ACSBG1: variants seen among roughly 807,000 people sequenced by gnomAD.
ACSBG1 encodes long-chain-fatty-acid--CoA ligase ACSBG1.
ACSBG1 carries 39 observed loss-of-function variants against 80.2 expected under a neutral mutation model. That is an observed-to-expected ratio of 0.49 (90% CI 0.38 to 0.64). ACSBG1 has a LOEUF of 0.64. ACSBG1 is among the 30% of genes least tolerant of loss of function. The probability of loss-of-function intolerance (pLI) is 0.00; values close to 1 mark genes in which losing one functional copy is unlikely to be tolerated. For missense variants in ACSBG1, 828 were observed against 966.4 expected (o/e 0.86, Z 1.90); for synonymous variants, 392 against 379.5 (o/e 1.03, Z -0.38).
chr15:78,173,966 T>G, intron 12 of ACSBG1, 127 bp from the exon 13 acceptor site: 2 of 1,173,960 alleles, frequency 1.7e-6, no homozygotes, highest in Non-Finnish European at 2.3e-6. Context: ...AAGAGACGGT[T>G]CTAGAATGAG....
rs2074900767 is a variant in ACSBG1, at chr15:78,178,038, G to T, written c.1702+576C>A. 6.6e-6 allele frequency among the ~76,000 whole-genome samples: 1 copy of T among 152,114 alleles called. No individual in the cohort carries two copies. The highest frequency in any genetic ancestry group is 1.5e-5 in the Non-Finnish European group (1 of 68,030). The stretch of plus-strand genomic sequence containing the variant: ...TGGAAAGACTTGCCTTGTTTCTCTA[G>T]GGGTCTGATTTCCAGCTCTGCCATT... On this transcript the variant is annotated intron_variant, in intron 11 of 13. Transcript: ENST00000258873. This position sits in a 1 kb window ranked among gnomAD's most constrained non-coding sequence, Gnocchi z 4.3.
At chr15:78,232,687 C>CT (rs1270103449) in intron 1 of ACSBG1, among the ~76,000 whole-genome samples, 2,407 of 144,304 alleles carry the variant, frequency 0.017, 68 homozygotes, top group Admixed American at 0.081. Flanking sequence ...TCTTTTTCTT[C>CT]TTTTTTTTTT....
In ACSBG1 at chr15:78,192,409, C is replaced by T. The variant is rs550604469; in HGVS notation, c.663+1097G>A. Among the ~76,000 whole-genome samples, 46 of 152,200 alleles carry T rather than the reference C, an allele frequency of 3.0e-4. 1 individual carries two copies. Among genetic ancestry groups the T allele is most frequent in the Admixed American group, 1.2e-3 (19 of 15,280 alleles). On this transcript the variant is annotated intron_variant, in intron 5 of 13. Coordinates refer to ENST00000258873, the MANE Select transcript of ACSBG1 (RefSeq NM_015162.5). ...ACCCTGCTCAGAGGCCTTTGTACGT[C>T]TATCCAGGCAGCTCTGAGGTCTTCC...
In ACSBG1 at chr15:78,182,511, G is replaced by A. The variant is rs137950003; in HGVS notation, c.849C>T (p.Ser283=). ...PNQCCVLVYT[S]GTTGNPKGVM... ...CGCCCTTGGGGTTCCCAGTGGTGCCGGAAGTGTAGACTAGCACACAGCACT... is the reference window on the plus strand; with the variant it reads ...CGCCCTTGGGGTTCCCAGTGGTGCCAGAAGTGTAGACTAGCACACAGCACT... Residue 283 remains serine, a synonymous_variant, in exon 7 of 14, where the codon TCC becomes TCT. Coordinates refer to ENST00000258873, the MANE Select transcript of ACSBG1 (RefSeq NM_015162.5). The A allele has an allele frequency of 1.9e-4, 308 of 1,614,184 alleles. No homozygotes were observed. In the African/African-American group the frequency reaches 3.3e-3, roughly 17 times the overall value.
intron 1 of ACSBG1, among the ~76,000 whole-genome samples, chr15:78,222,519 C>T (rs1416602771): frequency 1.3e-5 from 2 of 152,010 alleles, no homozygotes. Flanking sequence ...AAAAATTAGC[C>T]AGACATGGTG....
At chr15:78,230,288 G>T (rs1317873270) in intron 1 of ACSBG1, among the ~76,000 whole-genome samples, 1 of 152,208 alleles carries the variant, frequency 6.6e-6, no homozygotes, top group East Asian at 1.9e-4. Context: ...CCGGACACCT[G>T]CCCCAGTCAC....
intron 2 of ACSBG1, 153 bp downstream of exon 2, chr15:78,207,849 G>A: frequency 3.1e-6 from 2 of 644,060 alleles, no homozygotes; most frequent in Non-Finnish European, 5.6e-6. Flanking sequence ...AAGGGGCTTG[G>A]TGGGGTCCCT....
At chr15:78,221,457 A>G (rs373261334) in intron 1 of ACSBG1, among the ~76,000 whole-genome samples, 36 of 152,328 alleles carry the variant, frequency 2.4e-4, no homozygotes, top group African/African-American at 8.2e-4. Context: ...TTCTGCCAGC[A>G]CATCTCACCT....
intron 1 of ACSBG1, among the ~76,000 whole-genome samples, chr15:78,234,124 A>G (rs938861864): frequency 3.9e-5 from 6 of 152,200 alleles, no homozygotes; most frequent in Non-Finnish European, 7.4e-5. Context: ...CTGGTCTCCA[A>G]CTGCAGCCCC....
intron 9 of ACSBG1, among the ~76,000 whole-genome samples, chr15:78,180,170 C>T (rs983080237): frequency 2.6e-5 from 4 of 152,204 alleles, no homozygotes; most frequent in Admixed American, 2.0e-4. Flanking sequence ...ATGCTTTGTT[C>T]GTGCATGTTC....
At chr15:78,176,600 A>G (rs2074885029) in intron 11 of ACSBG1, among the ~76,000 whole-genome samples, 1 of 152,172 alleles carries the variant, frequency 6.6e-6, no homozygotes, top group African/African-American at 2.4e-5. Context: ...TTAGAAGTAA[A>G]TATAAGGAAA....
At chr15:78,216,744 C>A (rs2075314994) in intron 1 of ACSBG1, among the ~76,000 whole-genome samples, 1 of 152,174 alleles carries the variant, frequency 6.6e-6, no homozygotes, top group South Asian at 2.1e-4. Flanking sequence ...ACCTTGGCTC[C>A]TGCCTGGGTG....
chr15:78,204,743 C>A (rs528273449), intron 2 of ACSBG1, among the ~76,000 whole-genome samples: 6 of 152,348 alleles, frequency 3.9e-5, no homozygotes, highest in African/African-American at 1.2e-4. Flanking sequence ...ACTGTCCCAA[C>A]GGCCTCCTCC....
rs1161071888 is a variant in ACSBG1 at position 78,193,915 on chromosome 15, C to T, written c.542+17G>A. On this transcript the variant is annotated intron_variant, in intron 4 of 13. Transcript: ENST00000258873. The stretch of plus-strand genomic sequence containing the variant: ...TGCCAACCCCCTGGAGACCCCGTCC[C>T]TGCCCCCGCCACTCACCCTGCAAAT... 1.2e-6 allele frequency: 2 copies of T among 1,613,308 alleles called. No homozygotes were observed. The highest frequency in any genetic ancestry group is 1.7e-5 in the Admixed American group (1 of 59,974).
At chr15:78,179,464 G>A in intron 10 of ACSBG1, 86 bp downstream of exon 10, 1 of 1,273,008 alleles carries the variant, frequency 7.9e-7, no homozygotes, top group Non-Finnish European at 1.1e-6. Context: ...CAAAGAGAAG[G>A]GGATCCCCAG....
In ACSBG1 at chr15:78,178,896, G is replaced by T; in HGVS notation, c.1485-65C>A. ...GTCTCCTCCAAGCCCCCACTGGGGAGCCGGGGTCCCAACTGCTCGGTCTTC... is the reference window on the plus strand; with the variant it reads ...GTCTCCTCCAAGCCCCCACTGGGGATCCGGGGTCCCAACTGCTCGGTCTTC... On this transcript the variant is annotated intron_variant, in intron 10 of 13. Coordinates refer to ENST00000258873, the MANE Select transcript of ACSBG1 (RefSeq NM_015162.5). The surrounding 1 kb of genome is among the most constrained non-coding windows in gnomAD (Gnocchi z 4.3). The T allele has an allele frequency of 1.3e-6, 2 of 1,500,410 alleles. No homozygotes were observed. The highest frequency in any genetic ancestry group is 1.8e-6 in the Non-Finnish European group (2 of 1,120,976). The allele number at this position is 1,500,410 out of a possible 1,614,324, so 92.9% of individuals were successfully genotyped here. A position where few individuals can be genotyped will look rare whatever the true frequency, so the allele number is the denominator to read the frequency against.
chr15:78,234,066 G>A (rs1339660514), intron 1 of ACSBG1, among the ~76,000 whole-genome samples: 1 of 152,180 alleles, frequency 6.6e-6, no homozygotes, highest in Non-Finnish European at 1.5e-5. Flanking sequence ...AGGAGACAGG[G>A]AAACATTCTT....
At chr15:78,198,971 G>A (rs967784763) in intron 2 of ACSBG1, among the ~76,000 whole-genome samples, 4 of 152,154 alleles carry the variant, frequency 2.6e-5, no homozygotes, top group Non-Finnish European at 5.9e-5. Flanking sequence ...AATGAAACCA[G>A]AGGCAGTCTT....
chr15:78,184,835 G>T (rs1033474357), intron 5 of ACSBG1, among the ~76,000 whole-genome samples: 6 of 152,176 alleles, frequency 3.9e-5, no homozygotes, highest in South Asian at 2.1e-4. Context: ...GTGCCCATAC[G>T]GTGTACACAT....
Sources: gnomAD v4.1 joint callset for allele counts (sites outside exome capture counted in the v4.1 genomes callset) on GRCh38, gnomAD v4.1.1 for gene constraint, Gnocchi (gnomAD v3.1) non-coding constraint, MANE v1.5 for transcripts, NCBI Gene and HGNC (gene_info 2026-07-23, HGNC 2026-07-21) for gene names.